The following MAP2K5 variants were observed in gnomAD, a reference collection of about 807,000 sequenced individuals.
MAP2K5 encodes mitogen-activated protein kinase kinase 5.
In MAP2K5, 49 loss-of-function variants were observed where a neutral mutation model predicts 83.1. That is an observed-to-expected ratio of 0.59 (90% CI 0.47 to 0.75). MAP2K5 has a LOEUF of 0.75. Ranked by LOEUF, MAP2K5 falls within the 30% of genes least tolerant of loss-of-function variation. The pLI is 0.00. For synonymous variants in MAP2K5, 202 were observed against 191.8 expected, an observed-to-expected ratio of 1.05 and a Z score of -0.44; for missense variants, 457 against 557.5, an observed-to-expected ratio of 0.82 and a Z score of 1.82.
chr15:67,618,045 A>G (rs2086094011), intron 8 of MAP2K5, among the ~76,000 whole-genome samples: 1 of 152,196 alleles, frequency 6.6e-6, no homozygotes, highest in Admixed American at 6.5e-5. Flanking sequence ...ATTCTTTGTA[A>G]TGATGTATCT....
chr15:67,738,304 T>C lies in MAP2K5; in HGVS notation c.1075-9927T>C, dbSNP rs561424846. 2.6e-5 allele frequency among the ~76,000 whole-genome samples: 4 copies of C among 152,336 alleles called. No homozygotes were observed. In the South Asian group the frequency reaches 8.3e-4, roughly 32 times the overall value. On this transcript the variant is annotated intron_variant, in intron 17 of 21. Coordinates refer to ENST00000178640, the MANE Select transcript of MAP2K5 (RefSeq NM_145160.3). The surrounding 1 kb of genome is among the most constrained non-coding windows in gnomAD (Gnocchi z 4.1). The stretch of plus-strand genomic sequence containing the variant: ...GCATAAGGCATGAGGCGACCTGGAC[T>C]CCAGGCCTAGTTGGTAAAATCCTTT...
intron 17 of MAP2K5, 65 bp downstream of exon 17, chr15:67,728,010 AG>A: frequency 7.6e-7 from 1 of 1,324,088 alleles, no homozygotes; most frequent in South Asian, 1.2e-5. Context: ...AGGTGCAGGG[AG>A]CAATTGTGAA....
chr15:67,691,650 C>T (rs1396927578), intron 13 of MAP2K5, among the ~76,000 whole-genome samples: 1 of 152,172 alleles, frequency 6.6e-6, no homozygotes, highest in Non-Finnish European at 1.5e-5. Context: ...TCTATACCAT[C>T]AAAAGTGGTA....
chr15:67,766,643 A>G (rs548272025), intron 19 of MAP2K5, among the ~76,000 whole-genome samples: 2 of 152,218 alleles, frequency 1.3e-5, no homozygotes, highest in Non-Finnish European at 2.9e-5. Flanking sequence ...TTTGAATTAG[A>G]TAACAAAATA....
chr15:67,643,793 T>G (rs1444456684), intron 9 of MAP2K5, among the ~76,000 whole-genome samples: 1 of 152,064 alleles, frequency 6.6e-6, no homozygotes, highest in Non-Finnish European at 1.5e-5. Flanking sequence ...TTTCCCCACC[T>G]TCCGCTTCCC....
rs1251938512 is a variant in MAP2K5 at position 67,555,933 on chromosome 15, G to A, written c.184+5851G>A. Among the ~76,000 whole-genome samples, 5 of 151,844 alleles carry A rather than the reference G, an allele frequency of 3.3e-5. No individual in the cohort carries two copies. The highest frequency in any genetic ancestry group is 4.8e-5 in the African/African-American group (2 of 41,324). On this transcript the variant is annotated intron_variant, in intron 2 of 21. Transcript: ENST00000178640. The surrounding 1 kb of genome is among the most constrained non-coding windows in gnomAD (Gnocchi z 5.2). ...CAAGTAGCTAGGACTACAGGCATGC[G>A]CCACCACACCCGGCTAATTTTTTTG...
chr15:67,647,591 T>A (rs1333491044), intron 11 of MAP2K5, among the ~76,000 whole-genome samples: 2 of 151,102 alleles, frequency 1.3e-5, no homozygotes, highest in African/African-American at 2.4e-5. Context: ...TACAAAAAAA[T>A]TTTTAAAAAT....
chr15:67,585,882 T>C lies in MAP2K5; in HGVS notation c.323-8T>C. 1.9e-6 allele frequency: 3 copies of C among 1,613,592 alleles called. No individual in the cohort carries two copies. The highest frequency in any genetic ancestry group is 2.5e-6 in the Non-Finnish European group (3 of 1,179,476). On this transcript the variant is annotated splice_region_variant and splice_polypyrimidine_tract_variant and intron_variant, in intron 4 of 21. Transcript: ENST00000178640. The stretch of plus-strand genomic sequence containing the variant: ...TGTGTTCTACAATTTAGTCAATTAC[T>C]GTTTCAGCCTGCAAGCCTCCTGGGG...
At chr15:67,549,533 A>G (rs972969062) in intron 1 of MAP2K5, among the ~76,000 whole-genome samples, 4 of 152,238 alleles carry the variant, frequency 2.6e-5, no homozygotes, top group African/African-American at 7.2e-5. Context: ...AATGTCTTCA[A>G]TGTGCTAGGT....
At position 67,777,900 on chromosome 15, in the gene MAP2K5, A is replaced by T. The variant is rs767459737; in HGVS notation, c.1242+5148A>T. Among the ~76,000 whole-genome samples, 7 of 152,210 alleles carry T rather than the reference A, an allele frequency of 4.6e-5. No individual in the cohort carries two copies. Among genetic ancestry groups the T allele is most frequent in the Non-Finnish European group, 7.3e-5 (5 of 68,036 alleles). The stretch of plus-strand genomic sequence containing the variant: ...AAAAGAAACACAGGATGCAGTTTGC[A>T]ATTGAAATTTGACATTTTGCTTAGA... On this transcript the variant is annotated intron_variant, in intron 21 of 21. Coordinates refer to ENST00000178640, the MANE Select transcript of MAP2K5 (RefSeq NM_145160.3). This position sits in a 1 kb window ranked among gnomAD's most constrained non-coding sequence, Gnocchi z 6.0.
chr15:67,799,871 T>C (rs2090670500), intron 21 of MAP2K5, among the ~76,000 whole-genome samples: 1 of 152,022 alleles, frequency 6.6e-6, no homozygotes, highest in Non-Finnish European at 1.5e-5. Context: ...GGCGAGGCCC[T>C]AGTGGGATGG....
intron 8 of MAP2K5, among the ~76,000 whole-genome samples, chr15:67,618,571 C>T (rs1207842816): frequency 2.6e-5 from 4 of 152,160 alleles, no homozygotes; most frequent in Non-Finnish European, 5.9e-5. Flanking sequence ...TCAAAATTAT[C>T]TAAAACCGAG....
At chr15:67,615,335 A>G (rs1335084216) in intron 8 of MAP2K5, among the ~76,000 whole-genome samples, 3 of 152,136 alleles carry the variant, frequency 2.0e-5, no homozygotes, top group Non-Finnish European at 4.4e-5. Flanking sequence ...ATCAGTAGTC[A>G]AGCATCTGTA....
chr15:67,551,760 A>G (rs1331980941), intron 2 of MAP2K5, among the ~76,000 whole-genome samples: 1 of 152,194 alleles, frequency 6.6e-6, no homozygotes, highest in African/African-American at 2.4e-5. Flanking sequence ...ATTATTTTCA[A>G]TAGCAAAAAA....
chr15:67,671,612 A>G (rs1268932582), intron 13 of MAP2K5, among the ~76,000 whole-genome samples: 1 of 152,128 alleles, frequency 6.6e-6, no homozygotes, highest in Non-Finnish European at 1.5e-5. Flanking sequence ...TAATAAGGAC[A>G]TGTAAAGTCA....
chr15:67,716,896 C>T (rs929457690), intron 16 of MAP2K5, among the ~76,000 whole-genome samples: 1 of 152,164 alleles, frequency 6.6e-6, no homozygotes, highest in Admixed American at 6.5e-5. Context: ...AAATCAGCAA[C>T]TTGAGGCACC....
chr15:67,695,165 C>T (rs1054348536), intron 15 of MAP2K5, among the ~76,000 whole-genome samples: 4 of 151,246 alleles, frequency 2.6e-5, no homozygotes, highest in Admixed American at 6.6e-5. Context: ...TGCTAGATGA[C>T]GAGTTAGTGG....
At chr15:67,797,275 C>T (rs1420567293) in intron 21 of MAP2K5, among the ~76,000 whole-genome samples, 2 of 152,186 alleles carry the variant, frequency 1.3e-5, no homozygotes, top group East Asian at 3.8e-4. Flanking sequence ...TCAGATTTAT[C>T]CACATGCTTG....
Position 67,646,546 on chromosome 15 carries a change from A to T in MAP2K5, c.736+77A>T, listed in dbSNP as rs1027376188. On this transcript the variant is annotated intron_variant, in intron 11 of 21. Coordinates refer to ENST00000178640, the MANE Select transcript of MAP2K5 (RefSeq NM_145160.3). Reference sequence around the variant, plus strand: ...GCTTTAAAACCTGGTTTTGATATAGATATCAAATAGAATTAAAGATAATAA... The same window carrying T: ...GCTTTAAAACCTGGTTTTGATATAGTTATCAAATAGAATTAAAGATAATAA... 4 of 708,572 alleles carry T rather than the reference A, an allele frequency of 5.6e-6. No individual in the cohort carries two copies. In the South Asian group the frequency reaches 6.3e-5, roughly 11 times the overall value. The allele number at this position is 708,572 out of a possible 1,614,324, so 43.9% of individuals were successfully genotyped here.
Sources: allele counts gnomAD v4.1 joint callset (sites outside exome capture counted in the v4.1 genomes callset), GRCh38; gene constraint gnomAD v4.1.1; non-coding constraint Gnocchi (gnomAD v3.1); transcripts MANE v1.5; gene names NCBI Gene and HGNC (gene_info 2026-07-23, HGNC 2026-07-21).